Variants in ATG16L2 observed in about 807,000 individuals in gnomAD.
ATG16L2 encodes protein Atg16l2.
In ATG16L2, 77 loss-of-function variants were observed where a neutral mutation model predicts 84.7. The ratio of observed to expected loss-of-function variants is 0.91; its 90% CI spans 0.76 to 1.10. The LOEUF is 1.10. Ranked by LOEUF, ATG16L2 falls within the 50% of genes least tolerant of loss-of-function variation. The pLI is 0.00. For synonymous variants in ATG16L2, 361 were observed against 342.8 expected, an observed-to-expected ratio of 1.05 and a Z score of -0.59; for missense variants, 782 against 817.6, an observed-to-expected ratio of 0.96 and a Z score of 0.53.
chr11:72,825,542 A>G (rs376377691), intron 10 of ATG16L2, 135 bp downstream of exon 10: 10 of 690,428 alleles, frequency 1.4e-5, no homozygotes, highest in African/African-American at 1.2e-4. Context: ...GTGACTAGAC[A>G]ATGCCTTGGA....
At chr11:72,824,952 C>T in intron 9 of ATG16L2, 110 bp downstream of exon 9, 1 of 894,412 alleles carries the variant, frequency 1.1e-6, no homozygotes, top group Non-Finnish European at 1.7e-6. Flanking sequence ...CAAGGCTGGG[C>T]TCCTCAGCAG....
intron 14 of ATG16L2, 25 bp downstream of exon 14, chr11:72,827,318 ACTTGGGGAGGG>A: frequency 8.2e-6 from 13 of 1,583,180 alleles, no homozygotes; most frequent in Non-Finnish European, 1.1e-5. Context: ...CTGGGGGAGG[ACTTGGGGAGGG>A]CTGGGGACAG....
chr11:72,828,172 G>A (rs148109459), intron 14 of ATG16L2, among the ~76,000 whole-genome samples, 187 bp from the exon 15 acceptor site: 235 of 152,296 alleles, frequency 1.5e-3, no homozygotes, highest in African/African-American at 5.4e-3. Context: ...TAAGTTCCTC[G>A]ATGGAGGCAG....
Position 72,829,572 on chromosome 11 carries a change from T to G in ATG16L2, c.*182T>G. On this transcript the variant is annotated 3_prime_UTR_variant, in exon 18 of 18. Coordinates refer to ENST00000321297, the MANE Select transcript of ATG16L2 (RefSeq NM_033388.2). ...TGGGTTGGGGGATTACGCTAGTTTT[T>G]CTTTGTATTTTTATCTCTATCTCCT... 1 of 1,356,470 alleles carries G rather than the reference T, an allele frequency of 7.4e-7. No individual in the cohort carries two copies. The highest frequency in any genetic ancestry group is 9.5e-7 in the Non-Finnish European group (1 of 1,057,090). The allele number at this position is 1,356,470 out of a possible 1,614,324, so 84.0% of individuals were successfully genotyped here.
chr11:72,828,738 C>G lies in ATG16L2; in HGVS notation c.1632C>G (p.Gly544=), dbSNP rs1565272959. The change falls in exon 16 of 18, where the codon GGC becomes GGG. Residue 544 remains glycine (G), a synonymous_variant. Coordinates refer to ENST00000321297, the MANE Select transcript of ATG16L2 (RefSeq NM_033388.2). ...SNIRQVFRAD[G]FKCGSDWTKA... ...CCCTGTCTGTCCTCAGGGCCGATGG[C>G]TTCAAGTGTGGTTCTGACTGGACCA... 6.2e-7 allele frequency: 1 copy of G among 1,614,174 alleles called. No homozygotes were observed. Among genetic ancestry groups the G allele is most frequent in the Non-Finnish European group, 8.5e-7 (1 of 1,180,012 alleles).
chr11:72,829,063 C>A, intron 17 of ATG16L2, 79 bp downstream of exon 17: 1 of 1,440,074 alleles, frequency 6.9e-7, no homozygotes, highest in Non-Finnish European at 9.7e-7. Flanking sequence ...TACTGGGACC[C>A]TGGAGTCCCC....
intron 2 of ATG16L2, among the ~76,000 whole-genome samples, chr11:72,817,179 C>CA (rs1859745459): frequency 6.6e-6 from 1 of 151,936 alleles, no homozygotes; most frequent in African/African-American, 2.4e-5. Context: ...CTACCTGTTG[C>CA]AAAGAGGGAG....
Position 72,826,982 on chromosome 11 carries a change from C to T in ATG16L2, c.1366+159C>T. 9 of 946,014 alleles carry T rather than the reference C, an allele frequency of 9.5e-6. No homozygotes were observed. In the South Asian group the frequency reaches 1.4e-4, roughly 14 times the overall value. The allele number at this position is 946,014 out of a possible 1,614,324, so 58.6% of individuals were successfully genotyped here. ...CCTCCAATTCCCTAATGGTATCCCC[C>T]AGTGGTGTTTTCTGTCTGGTTTCTT... On this transcript the variant is annotated intron_variant, in intron 13 of 17. Coordinates refer to ENST00000321297, the MANE Select transcript of ATG16L2 (RefSeq NM_033388.2).
At chr11:72,832,989 C>A (rs911972033), downstream of ATG16L2, among the ~76,000 whole-genome samples, 2 of 152,224 alleles carry the variant, frequency 1.3e-5, no homozygotes, top group East Asian at 3.8e-4. Context: ...GCATGAGGAC[C>A]ATGGCCTCTG....
intron 3 of ATG16L2, chr11:72,821,057 A>C: frequency 4.1e-6 from 1 of 245,158 alleles, no homozygotes; most frequent in Non-Finnish European, 6.5e-6. Context: ...GCCAGCAGGG[A>C]GGGGTGGGGA....
intron 5 of ATG16L2, chr11:72,838,444 A>G (rs1860798709): frequency 6.1e-6 from 2 of 326,820 alleles, no homozygotes; most frequent in Non-Finnish European, 1.2e-5. Context: ...GTACGAGTGC[A>G]CATGATCAGT....
chr11:72,841,373 A>G, intron 5 of ATG16L2: 1 of 760,568 alleles, frequency 1.3e-6, no homozygotes, highest in Non-Finnish European at 2.0e-6. Flanking sequence ...AAGCAAATGC[A>G]GTTTTTTTTT....
chr11:72,842,716 C>T (rs1861000731), exon 6 of ATG16L2: 2 of 1,613,922 alleles, frequency 1.2e-6, no homozygotes, highest in Admixed American at 1.7e-5. Context: ...CCATTGAATT[C>T]CCCTTCCCAG....
At chr11:72,824,276 T>C (rs1591307207) in intron 8 of ATG16L2, 154 bp downstream of exon 8, 1 of 877,980 alleles carries the variant, frequency 1.1e-6, no homozygotes. Context: ...GCCAGGTGAA[T>C]GGCCTCAGCC....
downstream of ATG16L2, among the ~76,000 whole-genome samples, chr11:72,833,417 A>AC (rs1860648806): frequency 1.3e-5 from 2 of 152,168 alleles, no homozygotes; most frequent in Non-Finnish European, 2.9e-5. Flanking sequence ...CCTACTTTAC[A>AC]GATGAGGAAA....
intron 1 of ATG16L2, among the ~76,000 whole-genome samples, chr11:72,814,878 C>A (rs564000672): frequency 6.6e-6 from 1 of 152,316 alleles, no homozygotes; most frequent in South Asian, 2.1e-4. Flanking sequence ...TTTGCCTCCC[C>A]ACCCGGGCAG....
In ATG16L2 at chr11:72,843,152, A is replaced by G. The variant is rs772574751; in HGVS notation, c.*557A>G. 2.0e-5 allele frequency: 33 copies of G among 1,613,820 alleles called. No homozygotes were observed. The South Asian group carries it at 3.6e-4, about 18-fold the overall frequency. Reference sequence around the variant, plus strand: ...AGAGTGCCTTGTTTCAGTCTTTACCACTGGCATCTCCGTTGAGGCTGCCTG... The same window carrying G: ...AGAGTGCCTTGTTTCAGTCTTTACCGCTGGCATCTCCGTTGAGGCTGCCTG... On this transcript the variant is annotated 3_prime_UTR_variant, in exon 6 of 6. Transcript: ENST00000534905.
intron 5 of ATG16L2, among the ~76,000 whole-genome samples, chr11:72,840,718 T>C (rs889133568): frequency 2.6e-5 from 4 of 152,230 alleles, no homozygotes; most frequent in African/African-American, 9.6e-5. Flanking sequence ...TTGATTTCTA[T>C]GGCCTTCCTT....
chr11:72,821,907 G>C lies in ATG16L2; in HGVS notation c.393-137G>C. The C allele has an allele frequency of 2.1e-6, 3 of 1,420,818 alleles. No homozygotes were observed. In the East Asian group the frequency reaches 7.7e-5, roughly 36 times the overall value. The allele number at this position is 1,420,818 out of a possible 1,614,324, so 88.0% of individuals were successfully genotyped here. Reference sequence around the variant, plus strand: ...GAACGGCTGGGCTCTGAGGGCGAAGGCTTGGGGGAGACCTGGCTTAGCCAC... The same window carrying C: ...GAACGGCTGGGCTCTGAGGGCGAAGCCTTGGGGGAGACCTGGCTTAGCCAC... On this transcript the variant is annotated intron_variant, in intron 4 of 17. Transcript: ENST00000321297.
Sources: gnomAD v4.1 joint callset for allele counts (sites outside exome capture counted in the v4.1 genomes callset) on GRCh38, gnomAD v4.1.1 for gene constraint, MANE v1.5 for transcripts, NCBI Gene and HGNC (gene_info 2026-07-23, HGNC 2026-07-21) for gene names.